Variants in SLC9A9 observed in about 807,000 individuals in gnomAD.
The protein encoded by SLC9A9 is sodium/hydrogen exchanger 9.
A neutral mutation model predicts 77.8 loss-of-function variants in SLC9A9; 62 were observed. The ratio of observed to expected loss-of-function variants is 0.80; its 90% CI spans 0.65 to 0.98. The LOEUF (loss-of-function observed/expected upper bound fraction) is 0.98, where lower values mean the gene tolerates loss of function less well. Ranked by LOEUF, SLC9A9 falls within the 50% of genes least tolerant of loss-of-function variation. SLC9A9 has a pLI of 0.00. For synonymous variants in SLC9A9, 320 were observed against 283.5 expected, an observed-to-expected ratio of 1.13 and a Z score of -1.29; for missense variants, 775 against 774.9, an observed-to-expected ratio of 1.00 and a Z score of 0.00.
chr3:143,265,858 C>T lies in SLC9A9; in HGVS notation c.*844G>A. The T allele has an allele frequency of 3.3e-6, 2 of 598,400 alleles. No homozygotes were observed. Among genetic ancestry groups the T allele is most frequent in the South Asian group, 4.0e-5 (2 of 50,394 alleles). 37.1% of individuals were successfully genotyped at this position (598,400 alleles called of 1,614,324 possible). A position where few individuals can be genotyped will look rare whatever the true frequency, so the allele number is the denominator to read the frequency against. ...GCTGCCAGGTAGAGAGCAACACAGGCTGCAGAATCCTACCCTCCAGCATAT... is the reference window on the plus strand; with the variant it reads ...GCTGCCAGGTAGAGAGCAACACAGGTTGCAGAATCCTACCCTCCAGCATAT... On this transcript the variant is annotated 3_prime_UTR_variant, in exon 16 of 16. Transcript: ENST00000316549.
intron 6 of SLC9A9, among the ~76,000 whole-genome samples, chr3:143,614,599 T>A (rs1215212988): frequency 1.3e-5 from 2 of 152,230 alleles, no homozygotes; most frequent in African/African-American, 2.4e-5. Context: ...ATCATGTCTT[T>A]ACTCTCATGG....
chr3:143,296,836 C>T (rs2030292089), intron 14 of SLC9A9, among the ~76,000 whole-genome samples: 10 of 152,120 alleles, frequency 6.6e-5, no homozygotes, highest in African/African-American at 2.4e-4. Flanking sequence ...ACGTCTTCTT[C>T]AGAGAAATAT....
At chr3:143,645,784 T>A (rs1306480082) in intron 6 of SLC9A9, among the ~76,000 whole-genome samples, 1 of 152,072 alleles carries the variant, frequency 6.6e-6, no homozygotes, top group African/African-American at 2.4e-5. Flanking sequence ...TTCATCTTTT[T>A]AAATAATTGA....
chr3:143,298,444 T>C (rs1387118542), intron 14 of SLC9A9, among the ~76,000 whole-genome samples: 1 of 152,228 alleles, frequency 6.6e-6, no homozygotes, highest in Non-Finnish European at 1.5e-5. Flanking sequence ...GGGGAGGATG[T>C]GGCTCACTAG....
In SLC9A9 at chr3:143,832,100, G is replaced by A; in HGVS notation, c.297C>T (p.Asp99=). Residue 99 remains aspartate (D), a synonymous_variant, in exon 2 of 16, where the codon GAC becomes GAT. Transcript: ENST00000316549. ...SPSTLLVNIT[D]QVYEYKYKRE... ...TTTTGTATTTATATTCATAAACTTG[G>A]TCAGTGATATTAACCAGCAGAGTTG... 6.2e-7 allele frequency: 1 copy of A among 1,613,072 alleles called. No homozygotes were observed. The highest frequency in any genetic ancestry group is 8.5e-7 in the Non-Finnish European group (1 of 1,179,512).
chr3:143,725,364 G>T (rs555599533), intron 4 of SLC9A9, among the ~76,000 whole-genome samples: 1 of 151,938 alleles, frequency 6.6e-6, no homozygotes, highest in Non-Finnish European at 1.5e-5. Flanking sequence ...AATACCATTT[G>T]ACCCAGCCAT....
At chr3:143,267,288 T>G (rs928622298) in intron 15 of SLC9A9, among the ~76,000 whole-genome samples, 1 of 151,960 alleles carries the variant, frequency 6.6e-6, no homozygotes, top group Non-Finnish European at 1.5e-5. Context: ...AAGATTCTCA[T>G]GTTGGTTTTG....
chr3:143,452,586 C>T (rs1252218896), intron 12 of SLC9A9, among the ~76,000 whole-genome samples: 1 of 149,348 alleles, frequency 6.7e-6, no homozygotes, highest in East Asian at 2.0e-4. Flanking sequence ...TAAGTTTTTG[C>T]AATAACTGGA....
At chr3:143,649,054 C>T (rs1251197958) in intron 6 of SLC9A9, among the ~76,000 whole-genome samples, 1 of 152,162 alleles carries the variant, frequency 6.6e-6, no homozygotes, top group Non-Finnish European at 1.5e-5. Context: ...AGGTTGGTTT[C>T]CTGTCAACTG....
intron 6 of SLC9A9, among the ~76,000 whole-genome samples, chr3:143,631,680 A>C (rs1314013095): frequency 6.6e-6 from 1 of 152,104 alleles, no homozygotes; most frequent in Non-Finnish European, 1.5e-5. Flanking sequence ...GCCTGGGTTA[A>C]GGGGAGGGAT....
At position 143,796,882 on chromosome 3, in the gene SLC9A9, A is replaced by G; in HGVS notation, c.400T>C (p.Phe134Leu). The G allele has an allele frequency of 6.2e-7, 1 of 1,612,562 alleles. No individual in the cohort carries two copies. The highest frequency in any genetic ancestry group is 8.5e-7 in the Non-Finnish European group (1 of 1,178,958). Residue 134 changes from phenylalanine to leucine, a missense_variant, in exon 3 of 16, where the codon TTC becomes CTC. Physicochemically the swap from Phe to Leu is conservative, Grantham distance 22. Transcript: ENST00000316549. ...ATTGGTGGCAGTAAAACATTGAAGA[A>G]GATTTCTGGATCAAATGTCATCTGC... ...LEKMTFDPEI[F>L]FNVLLPPIIF... is the part of the protein sequence containing the mutation.
intron 6 of SLC9A9, among the ~76,000 whole-genome samples, chr3:143,615,504 G>T (rs541593292): frequency 1.8e-4 from 27 of 152,208 alleles, no homozygotes; most frequent in East Asian, 5.8e-4. Context: ...TTGTAAGAGC[G>T]CTGGCGAAAC....
chr3:143,517,352 A>C lies in SLC9A9; in HGVS notation c.1090-21904T>G, dbSNP rs571045994. On this transcript the variant is annotated intron_variant, in intron 9 of 15. Transcript: ENST00000316549. ...TCCCATTCCAGGCATTCCTCCAGGA[A>C]AATTACCAGGCATTCTCCCAGGAAA... The C allele has an allele frequency of 9.1e-6, 12 of 1,317,490 alleles. No homozygotes were observed. In the African/African-American group the frequency reaches 1.7e-4, roughly 19 times the overall value. The allele number at this position is 1,317,490 out of a possible 1,614,324, so 81.6% of individuals were successfully genotyped here. A position where few individuals can be genotyped will look rare whatever the true frequency, so the allele number is the denominator to read the frequency against.
chr3:143,293,666 A>C (rs910444065), intron 14 of SLC9A9, among the ~76,000 whole-genome samples: 5 of 152,156 alleles, frequency 3.3e-5, no homozygotes, highest in African/African-American at 1.2e-4. Flanking sequence ...GAATTTTAGC[A>C]TGTTACTGTC....
At chr3:143,409,577 T>G (rs994176141) in intron 12 of SLC9A9, among the ~76,000 whole-genome samples, 9 of 152,208 alleles carry the variant, frequency 5.9e-5, no homozygotes, top group African/African-American at 2.2e-4. Flanking sequence ...CAAATATACT[T>G]TGCCTGAAGC....
intron 14 of SLC9A9, among the ~76,000 whole-genome samples, chr3:143,323,210 G>T (rs565322564): frequency 6.6e-6 from 1 of 152,294 alleles, no homozygotes; most frequent in South Asian, 2.1e-4. Context: ...ATTGGATCCA[G>T]CAATCCCACT....
intron 11 of SLC9A9, among the ~76,000 whole-genome samples, chr3:143,487,454 G>A (rs1160505942): frequency 2.0e-5 from 3 of 151,716 alleles, no homozygotes; most frequent in South Asian, 4.2e-4. Flanking sequence ...TCTACCCAAC[G>A]ACAACAACAT....
chr3:143,392,826 A>G (rs2033605194), intron 12 of SLC9A9, among the ~76,000 whole-genome samples: 1 of 152,224 alleles, frequency 6.6e-6, no homozygotes, highest in African/African-American at 2.4e-5. Context: ...CAGACTTTAA[A>G]CCAACAAAGA....
chr3:143,418,828 G>C (rs1314482387), intron 12 of SLC9A9, among the ~76,000 whole-genome samples: 1 of 152,176 alleles, frequency 6.6e-6, no homozygotes, highest in Admixed American at 6.5e-5. Flanking sequence ...CAGCAGCCCA[G>C]GTGCTGGCAG....
Sources: allele counts gnomAD v4.1 joint callset (sites outside exome capture counted in the v4.1 genomes callset), GRCh38; gene constraint gnomAD v4.1.1; transcripts MANE v1.5; gene names NCBI Gene and HGNC (gene_info 2026-07-23, HGNC 2026-07-21).